GFOD1: variants seen among roughly 807,000 people sequenced by gnomAD.
GFOD1 encodes the protein glucose-fructose oxidoreductase domain-containing protein 1.
A neutral mutation model predicts 25.4 loss-of-function variants in GFOD1; 9 were observed. The observed-to-expected ratio is 0.35, with a 90% CI of 0.21 to 0.62. GFOD1 has a LOEUF of 0.62. Among genes scored for constraint, GFOD1 ranks in the 20% least tolerant of loss-of-function variants. The pLI, the probability that GFOD1 is intolerant of heterozygous loss-of-function variation, is 0.72. For missense variants in GFOD1, 403 were observed against 556.9 expected, an observed-to-expected ratio of 0.72 and a Z score of 2.78; for synonymous variants, 253 against 245.6, an observed-to-expected ratio of 1.03 and a Z score of -0.28.
At chr6:13,436,052 G>T (rs1402850322) in intron 1 of GFOD1, among the ~76,000 whole-genome samples, 2 of 152,220 alleles carry the variant, frequency 1.3e-5, no homozygotes, top group Non-Finnish European at 2.9e-5. Flanking sequence ...ATTCATCTCT[G>T]TTATCGGGGA....
chr6:13,469,332 C>T, intron 1 of GFOD1: 1 of 984,846 alleles, frequency 1.0e-6, no homozygotes. Flanking sequence ...AAGTTATAAT[C>T]AACAGAGAAG....
At chr6:13,482,627 A>G (rs1257711953) in intron 1 of GFOD1, among the ~76,000 whole-genome samples, 1 of 152,080 alleles carries the variant, frequency 6.6e-6, no homozygotes, top group Admixed American at 6.5e-5. Flanking sequence ...ACACACCTAT[A>G]ATCCCAGCTA....
intron 1 of GFOD1, among the ~76,000 whole-genome samples, chr6:13,457,514 C>T (rs536176814): frequency 1.3e-5 from 2 of 152,288 alleles, no homozygotes; most frequent in Non-Finnish European, 2.9e-5. Context: ...GACACTGATC[C>T]CGACATGTCA....
intron 1 of GFOD1, among the ~76,000 whole-genome samples, chr6:13,434,512 A>G (rs1427505758): frequency 6.6e-6 from 1 of 152,142 alleles, no homozygotes; most frequent in East Asian, 1.9e-4. Context: ...GCAGGGCATT[A>G]TGGGAACACA....
intron 1 of GFOD1, chr6:13,470,769 A>G: frequency 8.0e-7 from 1 of 1,250,938 alleles, no homozygotes; most frequent in Non-Finnish European, 1.1e-6. Context: ...TAAAATCATT[A>G]CTTTGCCCTT....
At chr6:13,435,721 A>C (rs931081399) in intron 1 of GFOD1, among the ~76,000 whole-genome samples, 3 of 152,246 alleles carry the variant, frequency 2.0e-5, no homozygotes, top group Admixed American at 6.5e-5. Flanking sequence ...TTTCCTGTGC[A>C]CAAAGTGTGG....
At chr6:13,427,715 G>C (rs1167277000) in intron 1 of GFOD1, among the ~76,000 whole-genome samples, 1 of 152,200 alleles carries the variant, frequency 6.6e-6, no homozygotes, top group African/African-American at 2.4e-5. Flanking sequence ...ATAAATTTGA[G>C]ACATCTACAT....
intron 1 of GFOD1, among the ~76,000 whole-genome samples, chr6:13,427,217 C>A (rs1276633484): frequency 6.6e-6 from 1 of 152,142 alleles, no homozygotes; most frequent in African/African-American, 2.4e-5. Context: ...CATAACTTGT[C>A]CACCTCAAGC....
At chr6:13,453,791 A>G (rs1758141449) in intron 1 of GFOD1, among the ~76,000 whole-genome samples, 1 of 152,238 alleles carries the variant, frequency 6.6e-6, no homozygotes, top group Admixed American at 6.5e-5. Context: ...CAAGTTGCCT[A>G]AAGACACACA....
chr6:13,470,627 G>A lies in GFOD1; in HGVS notation c.253+16011C>T, dbSNP rs1378177474. The A allele has an allele frequency of 5.4e-6, 8 of 1,468,630 alleles. No homozygotes were observed. In the South Asian group the frequency reaches 1.0e-4, roughly 18 times the overall value. The allele number at this position is 1,468,630 out of a possible 1,614,324, so 91.0% of individuals were successfully genotyped here. On this transcript the variant is annotated intron_variant, in intron 1 of 1. Transcript: ENST00000379287. ...GCTGATTTTCTTCCTCTGATGTCCT[G>A]GTTCTGTTGGAAAGGGAGAAGAGAC...
chr6:13,405,111 T>C (rs1785921386), intron 1 of GFOD1, among the ~76,000 whole-genome samples: 1 of 152,238 alleles, frequency 6.6e-6, no homozygotes, highest in African/African-American at 2.4e-5. Flanking sequence ...CCAACTTTCC[T>C]CTTATAAAGG....
chr6:13,399,488 G>A (rs1785801296), intron 1 of GFOD1, among the ~76,000 whole-genome samples: 1 of 152,178 alleles, frequency 6.6e-6, no homozygotes, highest in African/African-American at 2.4e-5. Context: ...ACATCCAACA[G>A]CAGCTGAATA....
rs1354439724 is a variant in GFOD1, at chr6:13,390,720, T to TC, written c.254-25059_254-25058insG. On this transcript the variant is annotated intron_variant, in intron 1 of 1. Coordinates refer to ENST00000379287, the MANE Select transcript of GFOD1 (RefSeq NM_018988.4). ...CCAGCCTGGTGACAGTGAGACCCTG[T>TC]GAAAAAAAAAAAAAGAAAGAAAGAC... Among the ~76,000 whole-genome samples the TC allele has an allele frequency of 7.4e-4, 72 of 97,870 alleles. 2 individuals carry two copies. Among genetic ancestry groups the TC allele is most frequent in the Admixed American group, 2.2e-3 (19 of 8,686 alleles). The allele number at this position is 97,870 out of a possible 152,430, so 64.2% of individuals were successfully genotyped here.
intron 1 of GFOD1, among the ~76,000 whole-genome samples, chr6:13,411,591 C>G (rs1271318512): frequency 6.6e-6 from 1 of 152,150 alleles, no homozygotes; most frequent in East Asian, 1.9e-4. Flanking sequence ...CGCGCCTGGC[C>G]CTCAGCTGCC....
At chr6:13,434,987 C>T (rs187101375) in intron 1 of GFOD1, among the ~76,000 whole-genome samples, 6 of 152,338 alleles carry the variant, frequency 3.9e-5, no homozygotes, top group Non-Finnish European at 8.8e-5. Context: ...CCAAACACCT[C>T]CAGGGCAACC....
At chr6:13,428,711 C>A (rs1266471625) in intron 1 of GFOD1, among the ~76,000 whole-genome samples, 1 of 152,120 alleles carries the variant, frequency 6.6e-6, no homozygotes, top group African/African-American at 2.4e-5. Context: ...CCAGGGCGGG[C>A]GGCAGGAGTA....
chr6:13,456,788 T>A (rs1469274183), intron 1 of GFOD1, among the ~76,000 whole-genome samples: 1 of 152,004 alleles, frequency 6.6e-6, no homozygotes, highest in Non-Finnish European at 1.5e-5. Context: ...AGCCAGGAGG[T>A]CTGAGCCTCC....
chr6:13,459,539 G>C (rs541830568), intron 1 of GFOD1, among the ~76,000 whole-genome samples: 3 of 152,074 alleles, frequency 2.0e-5, no homozygotes, highest in African/African-American at 7.2e-5. Context: ...CTTCTACACA[G>C]CAAAAGAAAC....
intron 1 of GFOD1, among the ~76,000 whole-genome samples, chr6:13,457,713 G>T (rs116474084): frequency 6.6e-6 from 1 of 152,200 alleles, no homozygotes; most frequent in South Asian, 2.1e-4. Context: ...CATCCTTAAC[G>T]CAGTTCTAAA....
Sources: gnomAD v4.1 joint callset for allele counts (sites outside exome capture counted in the v4.1 genomes callset) on GRCh38, gnomAD v4.1.1 for gene constraint, MANE v1.5 for transcripts, NCBI Gene and HGNC (gene_info 2026-07-23, HGNC 2026-07-21) for gene names.